ADGRB3: variants seen among roughly 807,000 people sequenced by gnomAD.
The protein encoded by ADGRB3 is brain-specific angiogenesis inhibitor 3.
Under a neutral mutation model 193.4 loss-of-function variants are expected in ADGRB3, and 37 were observed. The observed-to-expected ratio is 0.19, with a 90% confidence interval of 0.15 to 0.25. The LOEUF is 0.25. ADGRB3 is among the 10% of genes least tolerant of loss of function. The probability of loss-of-function intolerance (pLI) is 1.00; values close to 1 mark genes in which losing one functional copy is unlikely to be tolerated. For missense variants in ADGRB3, 1,637 were observed against 1,852.9 expected (o/e 0.88, Z 2.14); for synonymous variants, 690 against 644.2 (o/e 1.07, Z -1.08).
intron 3 of ADGRB3, among the ~76,000 whole-genome samples, chr6:68,851,255 T>C (rs1768394460): frequency 6.7e-6 from 1 of 149,746 alleles, no homozygotes; most frequent in Non-Finnish European, 1.5e-5. Context: ...CTCTCTCTCT[T>C]TCTCTCTGTT....
chr6:69,212,699 C>A (rs1582549700), intron 17 of ADGRB3, among the ~76,000 whole-genome samples: 1 of 152,068 alleles, frequency 6.6e-6, no homozygotes, highest in Admixed American at 6.6e-5. Flanking sequence ...CCATTGCAGA[C>A]AATGAAACTA....
chr6:68,947,785 TGTAAA>T (rs886074714), intron 6 of ADGRB3, among the ~76,000 whole-genome samples: 1 of 152,126 alleles, frequency 6.6e-6, no homozygotes, highest in Middle Eastern at 3.2e-3. Flanking sequence ...TGTGAGATGC[TGTAAA>T]GTAGAGAACC....
At chr6:68,917,766 C>T (rs1766923735) in intron 3 of ADGRB3, among the ~76,000 whole-genome samples, 1 of 152,126 alleles carries the variant, frequency 6.6e-6, no homozygotes, top group Non-Finnish European at 1.5e-5. Context: ...TCTTTGCACA[C>T]ATTTTACTTT....
intron 16 of ADGRB3, among the ~76,000 whole-genome samples, chr6:69,075,044 C>T (rs1772188334): frequency 6.6e-6 from 1 of 152,160 alleles, no homozygotes. Context: ...ACCTATCTAG[C>T]TCAGGAAGAG....
intron 17 of ADGRB3, among the ~76,000 whole-genome samples, chr6:69,121,826 G>T (rs1773703184): frequency 6.6e-6 from 1 of 151,740 alleles, no homozygotes; most frequent in Non-Finnish European, 1.5e-5. Context: ...ACAATGGGCG[G>T]CCGGGCAGAG....
chr6:69,065,029 C>T (rs1010711018), intron 16 of ADGRB3, among the ~76,000 whole-genome samples: 6 of 152,056 alleles, frequency 3.9e-5, no homozygotes, highest in Non-Finnish European at 7.4e-5. Context: ...TTTTATTAAG[C>T]ACCAGCTAGT....
intron 3 of ADGRB3, among the ~76,000 whole-genome samples, chr6:68,676,823 G>A (rs1352260019): frequency 6.6e-6 from 1 of 151,968 alleles, no homozygotes; most frequent in Non-Finnish European, 1.5e-5. Flanking sequence ...GTTACCAAGG[G>A]TTTCAAGTTA....
intron 3 of ADGRB3, among the ~76,000 whole-genome samples, chr6:68,703,646 A>G (rs906664335): frequency 6.6e-5 from 10 of 152,140 alleles, no homozygotes; most frequent in Non-Finnish European, 1.0e-4. Flanking sequence ...TTTTTGAGAC[A>G]GAGTCTCGCT....
intron 3 of ADGRB3, among the ~76,000 whole-genome samples, chr6:68,731,437 A>G (rs1040607489): frequency 1.3e-5 from 2 of 151,680 alleles, no homozygotes; most frequent in African/African-American, 4.8e-5. Flanking sequence ...ATAAAAAGTT[A>G]CAAAAAAGCC....
At chr6:68,999,497 C>T (rs895355935) in intron 11 of ADGRB3, among the ~76,000 whole-genome samples, 1 of 152,142 alleles carries the variant, frequency 6.6e-6, no homozygotes, top group African/African-American at 2.4e-5. Flanking sequence ...ATCTCCTGAC[C>T]TCGTGATCTG....
chr6:69,114,402 A>T (rs921561003), intron 17 of ADGRB3, among the ~76,000 whole-genome samples: 2 of 151,882 alleles, frequency 1.3e-5, no homozygotes, highest in African/African-American at 4.8e-5. Flanking sequence ...TAGATTCTGG[A>T]TGTTAGTCCT....
At chr6:68,722,029 T>C (rs918449959) in intron 3 of ADGRB3, among the ~76,000 whole-genome samples, 3 of 151,764 alleles carry the variant, frequency 2.0e-5, no homozygotes, top group African/African-American at 7.2e-5. Flanking sequence ...CAGTTGTGTC[T>C]ACATTATTCA....
chr6:68,742,579 T>G (rs1766002268), intron 3 of ADGRB3, among the ~76,000 whole-genome samples: 1 of 152,112 alleles, frequency 6.6e-6, no homozygotes, highest in South Asian at 2.1e-4. Flanking sequence ...AGAAGTCACT[T>G]ACTCTCAATA....
chr6:69,236,288 T>G (rs1281357265), intron 19 of ADGRB3, among the ~76,000 whole-genome samples: 1 of 151,968 alleles, frequency 6.6e-6, no homozygotes, highest in African/African-American at 2.4e-5. Flanking sequence ...TCTTGACCCA[T>G]TAGCACTGGT....
chr6:68,727,391 T>A (rs1392786295), intron 3 of ADGRB3, among the ~76,000 whole-genome samples: 1 of 151,594 alleles, frequency 6.6e-6, no homozygotes, highest in African/African-American at 2.4e-5. Flanking sequence ...CATATGTCAT[T>A]GAATGTAATT....
At chr6:68,915,952 T>G (rs948713639) in intron 3 of ADGRB3, among the ~76,000 whole-genome samples, 3 of 151,446 alleles carry the variant, frequency 2.0e-5, no homozygotes, top group Admixed American at 6.6e-5. Flanking sequence ...CTGGGCAAAA[T>G]GAACACTCAA....
At chr6:68,887,177 A>C (rs185647991) in intron 3 of ADGRB3, among the ~76,000 whole-genome samples, 1 of 152,068 alleles carries the variant, frequency 6.6e-6, no homozygotes, top group East Asian at 1.9e-4. Flanking sequence ...TGCAGCTTTA[A>C]GATTTAAAAA....
At chr6:69,278,874 G>A (rs1244609677) in intron 20 of ADGRB3, among the ~76,000 whole-genome samples, 1 of 151,570 alleles carries the variant, frequency 6.6e-6, no homozygotes, top group Admixed American at 6.6e-5. Flanking sequence ...ACCTGGCATA[G>A]AGGAACATGA....
At chr6:68,675,706 C>G (rs1223963321) in intron 3 of ADGRB3, among the ~76,000 whole-genome samples, 2 of 152,126 alleles carry the variant, frequency 1.3e-5, no homozygotes, top group Non-Finnish European at 2.9e-5. Context: ...GCCAGGGCAC[C>G]AGCTTCTCCA....
Sources: allele counts gnomAD v4.1 joint callset (sites outside exome capture counted in the v4.1 genomes callset), GRCh38; gene constraint gnomAD v4.1.1; transcripts MANE v1.5; gene names NCBI Gene and HGNC (gene_info 2026-07-23, HGNC 2026-07-21).